The following NPBWR2 variants were observed in gnomAD, a reference collection of about 807,000 sequenced individuals.
The protein encoded by NPBWR2 is neuropeptides B and W receptor 2.
For synonymous variants in NPBWR2, 207 were observed against 223.5 expected (o/e 0.93, Z 0.66); for missense variants, 390 against 458.2 (o/e 0.85, Z 1.36).
chr20:64,104,558 C>G lies in NPBWR2; in HGVS notation c.*1272G>C, dbSNP rs1375986982. On this transcript the variant is annotated 3_prime_UTR_variant, in exon 2 of 2. Coordinates refer to ENST00000684052, the MANE Select transcript of NPBWR2 (RefSeq NM_005286.4). Reference sequence around the variant, plus strand: ...CAGGGGGGCACAGGGGAGCACAGGCCATGGTGAGGACTGTCGGCCACAGCA... The same window carrying G: ...CAGGGGGGCACAGGGGAGCACAGGCGATGGTGAGGACTGTCGGCCACAGCA... Among the ~76,000 whole-genome samples the G allele has an allele frequency of 3.0e-5, 4 of 135,230 alleles. No individual in the cohort carries two copies. The highest frequency in any genetic ancestry group is 1.2e-4 in the African/African-American group (4 of 34,404). 88.7% of individuals were successfully genotyped at this position (135,230 alleles called of 152,430 possible). A position where few individuals can be genotyped will look rare whatever the true frequency, so the allele number is the denominator to read the frequency against.
rs1979978690 is a variant in NPBWR2, at chr20:64,105,691, T to TGGTGGG, written c.*133_*138dup. 1.3e-5 allele frequency: 4 copies of TGGTGGG among 312,034 alleles called. No individual in the cohort carries two copies. Among genetic ancestry groups the TGGTGGG allele is most frequent in the African/African-American group, 6.2e-5 (1 of 16,078 alleles). 19.3% of individuals were successfully genotyped at this position (312,034 alleles called of 1,614,324 possible). ...ATGATGGGCGTGATGATGGGGGTGG[T>TGGTGGG]GGTGGGGGTGATGGTGGGGGTGGTG... On this transcript the variant is annotated 3_prime_UTR_variant, in exon 2 of 2. Coordinates refer to ENST00000684052, the MANE Select transcript of NPBWR2 (RefSeq NM_005286.4).
rs186068328 is a variant in NPBWR2, at chr20:64,105,675, G to A, written c.*155C>T. ...GATGGGGGTGGGCATGATGATGGGC[G>A]TGATGATGGGGGTGGTGGTGGGGGT... On this transcript the variant is annotated 3_prime_UTR_variant, in exon 2 of 2. Transcript: ENST00000684052. The A allele has an allele frequency of 0.27, 71,301 of 269,052 alleles. 16,156 individuals carry two copies. The highest frequency in any genetic ancestry group is 0.43 in the Admixed American group (5,349 of 12,554). The allele number at this position is 269,052 out of a possible 1,614,324, so 16.7% of individuals were successfully genotyped here. A position where few individuals can be genotyped will look rare whatever the true frequency, so the allele number is the denominator to read the frequency against.
Position 64,106,402 on chromosome 20 carries a change from G to A in NPBWR2, c.430C>T (p.Leu144=), listed in dbSNP as rs748448720. ...FLAVMSVDRY[L]VVLATVRSRH... is the part of the protein sequence containing the mutation. Reference sequence around the variant, plus strand: ...GACCTCACGGTGGCCAGCACCACCAGGTATCGGTCCACGCTCATCACGGCT... The same window carrying A: ...GACCTCACGGTGGCCAGCACCACCAAGTATCGGTCCACGCTCATCACGGCT... The change falls in exon 2 of 2, where the codon CTG becomes TTG. Residue 144 remains leucine, a synonymous_variant. Coordinates refer to ENST00000684052, the MANE Select transcript of NPBWR2 (RefSeq NM_005286.4). The surrounding 1 kb of genome is among the most constrained non-coding windows in gnomAD (Gnocchi z 9.5). 1 of 1,612,792 alleles carries A rather than the reference G, an allele frequency of 6.2e-7. No homozygotes were observed. Among genetic ancestry groups the A allele is most frequent in the East Asian group, 2.2e-5 (1 of 44,874 alleles).
rs1980059735 is a variant in NPBWR2 at position 64,106,642 on chromosome 20, T to C, written c.190A>G (p.Thr64Ala). The C allele has an allele frequency of 6.2e-7, 1 of 1,612,462 alleles. No individual in the cohort carries two copies. The highest frequency in any genetic ancestry group is 8.5e-7 in the Non-Finnish European group (1 of 1,179,992). The change falls in exon 2 of 2, where the codon ACG becomes GCG. Residue 64 changes from threonine (T) to alanine (A), a missense_variant. Thr to Ala is a moderately conservative substitution (Grantham distance 58). Coordinates refer to ENST00000684052, the MANE Select transcript of NPBWR2 (RefSeq NM_005286.4). The surrounding 1 kb of genome is among the most constrained non-coding windows in gnomAD (Gnocchi z 9.5). The part of the protein sequence containing the change: ...GICAVGLTGN[T>A]AVILVILRAP... Reference sequence around the variant, plus strand: ...CTTAGGATTACAAGGATGACGGCCGTGTTGCCAGTCAGCCCCACAGCACAG... The same window carrying C: ...CTTAGGATTACAAGGATGACGGCCGCGTTGCCAGTCAGCCCCACAGCACAG...
At position 64,104,349 on chromosome 20, in the gene NPBWR2, C is replaced by G. The variant is rs562514280; in HGVS notation, c.*1481G>C. Reference sequence around the variant, plus strand: ...AGAGAGTTCCAGGTGCCAGCCTGTCCAAGTGATGGATGGTCCCTAGGCTGT... The same window carrying G: ...AGAGAGTTCCAGGTGCCAGCCTGTCGAAGTGATGGATGGTCCCTAGGCTGT... On this transcript the variant is annotated 3_prime_UTR_variant, in exon 2 of 2. Transcript: ENST00000684052. Among the ~76,000 whole-genome samples the G allele has an allele frequency of 8.5e-5, 13 of 152,338 alleles. No homozygotes were observed. The highest frequency in any genetic ancestry group is 3.1e-4 in the African/African-American group (13 of 41,574).
In NPBWR2 at chr20:64,105,072, A is replaced by G. The variant is rs1306666315; in HGVS notation, c.*758T>C. On this transcript the variant is annotated 3_prime_UTR_variant, in exon 2 of 2. Coordinates refer to ENST00000684052, the MANE Select transcript of NPBWR2 (RefSeq NM_005286.4). ...TGGATTTCTGGGTCTCATGCGGTGC[A>G]GGTGTCCGCCTTTGCAGCAACACAG... 6.7e-6 allele frequency among the ~76,000 whole-genome samples: 1 copy of G among 149,030 alleles called. No homozygotes were observed. Among genetic ancestry groups the G allele is most frequent in the East Asian group, 2.0e-4 (1 of 5,080 alleles).
Position 64,104,451 on chromosome 20 carries a change from T to A in NPBWR2, c.*1379A>T, listed in dbSNP as rs3003152. Among the ~76,000 whole-genome samples, 2 of 150,080 alleles carry A rather than the reference T, an allele frequency of 1.3e-5. No homozygotes were observed. The highest frequency in any genetic ancestry group is 3.0e-5 in the Non-Finnish European group (2 of 67,064). ...AGAGGAGCATCGGCCACAGCAGGGG[T>A]GTACAGGCCATGGCGAGGACCGTCG... On this transcript the variant is annotated 3_prime_UTR_variant, in exon 2 of 2. Coordinates refer to ENST00000684052, the MANE Select transcript of NPBWR2 (RefSeq NM_005286.4).
rs1265086566 is a variant in NPBWR2, at chr20:64,105,196, C to T, written c.*634G>A. Among the ~76,000 whole-genome samples the T allele has an allele frequency of 1.3e-5, 2 of 151,878 alleles. No individual in the cohort carries two copies. The highest frequency in any genetic ancestry group is 3.9e-4 in the East Asian group (2 of 5,088). On this transcript the variant is annotated 3_prime_UTR_variant, in exon 2 of 2. Transcript: ENST00000684052. ...CCAGGTCAAGATCACAGTTCAGGTTCCCTCCCCTCCCGACCACTGTCATTA... is the reference window on the plus strand; with the variant it reads ...CCAGGTCAAGATCACAGTTCAGGTTTCCTCCCCTCCCGACCACTGTCATTA...
In NPBWR2 at chr20:64,106,527, A is replaced by T; in HGVS notation, c.305T>A (p.Ile102Asn). Residue 102 changes from isoleucine (I) to asparagine (N), a missense_variant, in exon 2 of 2, where the codon ATC (isoleucine) becomes AAC (asparagine). Physicochemically the swap from Ile to Asn is moderately radical, Grantham distance 149. Coordinates refer to ENST00000684052, the MANE Select transcript of NPBWR2 (RefSeq NM_005286.4). This position sits in a 1 kb window ranked among gnomAD's most constrained non-coding sequence, Gnocchi z 9.5. ...CCAGTACTGCAGCAGGTGCTCCGCG[A>T]TGTTGACGGGCAGTACCAGCGTGAA... is the stretch of plus-strand genomic sequence containing the variant. ...GLFTLVLPVN[I>N]AEHLLQYWPF... The T allele has an allele frequency of 6.2e-7, 1 of 1,612,394 alleles. No individual in the cohort carries two copies. Among genetic ancestry groups the T allele is most frequent in the Non-Finnish European group, 8.5e-7 (1 of 1,179,966 alleles).
chr20:64,106,599 G>T lies in NPBWR2; in HGVS notation c.233C>A (p.Thr78Lys). Residue 78 changes from threonine to lysine, a missense_variant, in exon 2 of 2, where the codon ACG becomes AAG. Thr to Lys is a moderately conservative substitution (Grantham distance 78). Coordinates refer to ENST00000684052, the MANE Select transcript of NPBWR2 (RefSeq NM_005286.4). The surrounding 1 kb of genome is among the most constrained non-coding windows in gnomAD (Gnocchi z 9.5). Reference protein sequence around the residue: ...LVILRAPKMKTVTNVFILNLA... With the variant: ...LVILRAPKMKKVTNVFILNLA... ...GTTCAGGATGAACACGTTGGTCACC[G>T]TCTTCATCTTGGGCGCCCTTAGGAT... 1 of 1,611,844 alleles carries T rather than the reference G, an allele frequency of 6.2e-7. No homozygotes were observed. Among genetic ancestry groups the T allele is most frequent in the Non-Finnish European group, 8.5e-7 (1 of 1,179,948 alleles).
rs1979954126 is a variant in NPBWR2, at chr20:64,105,606, A to AGGG, written c.*223_*224insCCC. On this transcript the variant is annotated 3_prime_UTR_variant, in exon 2 of 2. Coordinates refer to ENST00000684052, the MANE Select transcript of NPBWR2 (RefSeq NM_005286.4). ...GGGGGTGGGGGTGATGGTGGGCGTG[A>AGGG]TGGTGGGGGTGGGGGTGATGGGGGT... Among the ~76,000 whole-genome samples, 1 of 912 alleles carries AGGG rather than the reference A, an allele frequency of 1.1e-3. No homozygotes were observed. Among genetic ancestry groups the AGGG allele is most frequent in the Non-Finnish European group, 2.3e-3 (1 of 444 alleles). 0.6% of individuals were successfully genotyped at this position (912 alleles called of 152,430 possible). A position where few individuals can be genotyped will look rare whatever the true frequency, so the allele number is the denominator to read the frequency against.
In NPBWR2 at chr20:64,106,107, A is replaced by T; in HGVS notation, c.725T>A (p.Val242Glu). ...YTDLLRRLRA[V>E]RLRSGAKALG... ...AGCCTTGGCTCCAGAGCGGAGCCGC[A>T]CGGCCCGCAGCCTGCGCAGGAGGTC... Residue 242 changes from valine (V) to glutamate (E), a missense_variant, in exon 2 of 2, where the codon GTG becomes GAG. Transcript: ENST00000684052. The surrounding 1 kb of genome is among the most constrained non-coding windows in gnomAD (Gnocchi z 9.5). 6.2e-7 allele frequency: 1 copy of T among 1,611,778 alleles called. No homozygotes were observed. Among genetic ancestry groups the T allele is most frequent in the South Asian group, 1.1e-5 (1 of 91,056 alleles).
Position 64,106,454 on chromosome 20 carries a change from G to A in NPBWR2, c.378C>T (p.Tyr126=). ...GGAAGTAGATGCTGGAGAAGATGTT[G>A]TAGTGGTCGACGGCCAGCACCAGCT... ...LCKLVLAVDH[Y]NIFSSIYFLA... The change falls in exon 2 of 2, where the codon TAC becomes TAT. Residue 126 remains tyrosine (Y), a synonymous_variant. Transcript: ENST00000684052. This position sits in a 1 kb window ranked among gnomAD's most constrained non-coding sequence, Gnocchi z 9.5. The A allele has an allele frequency of 1.2e-6, 2 of 1,612,782 alleles. No individual in the cohort carries two copies. The highest frequency in any genetic ancestry group is 1.7e-6 in the Non-Finnish European group (2 of 1,180,026).
rs1979877570 is a variant in NPBWR2 at position 64,104,450 on chromosome 20, GTGTA to G, written c.*1376_*1379del. 1.3e-5 allele frequency among the ~76,000 whole-genome samples: 2 copies of G among 152,028 alleles called. No individual in the cohort carries two copies. The highest frequency in any genetic ancestry group is 3.4e-3 in the Middle Eastern group (1 of 294). On this transcript the variant is annotated 3_prime_UTR_variant, in exon 2 of 2. Coordinates refer to ENST00000684052, the MANE Select transcript of NPBWR2 (RefSeq NM_005286.4). ...GAGAGGAGCATCGGCCACAGCAGGG[GTGTA>G]CAGGCCATGGCGAGGACCGTCGGCC...
chr20:64,106,843 C>T lies in NPBWR2; in HGVS notation c.-12G>A, dbSNP rs1194811178. On this transcript the variant is annotated 5_prime_UTR_variant, in exon 2 of 2. Transcript: ENST00000684052. This position sits in a 1 kb window ranked among gnomAD's most constrained non-coding sequence, Gnocchi z 9.5. ...CCAGCGGCCTGCATTGTAGCTGGGA[C>T]CGTTGACGATTTGCGCCCTGGGCAG... is the stretch of plus-strand genomic sequence containing the variant. 2 of 1,600,846 alleles carry T rather than the reference C, an allele frequency of 1.2e-6. No homozygotes were observed. The highest frequency in any genetic ancestry group is 3.4e-5 in the Admixed American group (2 of 59,530).
Position 64,106,125 on chromosome 20 carries a change from A to T in NPBWR2, c.707T>A (p.Leu236Gln). 2 of 1,612,234 alleles carry T rather than the reference A, an allele frequency of 1.2e-6. No individual in the cohort carries two copies. Among genetic ancestry groups the T allele is most frequent in the Non-Finnish European group, 1.7e-6 (2 of 1,179,808 alleles). Residue 236 changes from leucine (L) to glutamine (Q), a missense_variant, in exon 2 of 2, where the codon CTG (leucine) becomes CAG (glutamine). Physicochemically the swap from Leu to Gln is moderately radical, Grantham distance 113. Coordinates refer to ENST00000684052, the MANE Select transcript of NPBWR2 (RefSeq NM_005286.4). The surrounding 1 kb of genome is among the most constrained non-coding windows in gnomAD (Gnocchi z 9.5). ...CTICVLYTDL[L>Q]RRLRAVRLRS... ...GAGCCGCACGGCCCGCAGCCTGCGCAGGAGGTCTGTGTAGAGCACACAGAT... is the reference window on the plus strand; with the variant it reads ...GAGCCGCACGGCCCGCAGCCTGCGCTGGAGGTCTGTGTAGAGCACACAGAT...
In NPBWR2 at chr20:64,105,726, G is replaced by GAGGGGGGTT; in HGVS notation, c.*103_*104insAACCCCCCT. 1 of 406,104 alleles carries GAGGGGGGTT rather than the reference G, an allele frequency of 2.5e-6. No individual in the cohort carries two copies. Among genetic ancestry groups the GAGGGGGGTT allele is most frequent in the Non-Finnish European group, 3.6e-6 (1 of 280,846 alleles). 25.2% of individuals were successfully genotyped at this position (406,104 alleles called of 1,614,324 possible). On this transcript the variant is annotated 3_prime_UTR_variant, in exon 2 of 2. Coordinates refer to ENST00000684052, the MANE Select transcript of NPBWR2 (RefSeq NM_005286.4). ...GATGGTGGGGGTGGTGGTGGGGGTG[G>GAGGGGGGTT]GGGGGGGTGGGCCTGATGGGGGTGT...
chr20:64,107,150 G>T lies in NPBWR2; in HGVS notation c.-92+214C>A. 1 of 481,606 alleles carries T rather than the reference G, an allele frequency of 2.1e-6. No homozygotes were observed. The highest frequency in any genetic ancestry group is 3.9e-6 in the Non-Finnish European group (1 of 258,222). The allele number at this position is 481,606 out of a possible 1,614,324, so 29.8% of individuals were successfully genotyped here. On this transcript the variant is annotated intron_variant, in intron 1 of 1. Transcript: ENST00000684052. The surrounding 1 kb of genome is among the most constrained non-coding windows in gnomAD (Gnocchi z 6.3). ...CAGCTGCTGGCCACCCTCCTGGGAA[G>T]AGATGTGGATCCGTCCCTGCCCCAG...
rs1979963215 is a variant in NPBWR2 at position 64,105,630 on chromosome 20, G to GTGGTGATGA, written c.*199_*200insTCATCACCA. On this transcript the variant is annotated 3_prime_UTR_variant, in exon 2 of 2. Transcript: ENST00000684052. ...GATGGTGGGGGTGGGGGTGATGGGG[G>GTGGTGATGA]TGGGCGTGATGGTGGATGTGATGGG... Among the ~76,000 whole-genome samples, 2 of 30,676 alleles carry GTGGTGATGA rather than the reference G, an allele frequency of 6.5e-5. No individual in the cohort carries two copies. Among genetic ancestry groups the GTGGTGATGA allele is most frequent in the Non-Finnish European group, 1.3e-4 (2 of 15,922 alleles). The allele number at this position is 30,676 out of a possible 152,430, so 20.1% of individuals were successfully genotyped here.
Sources: allele counts gnomAD v4.1 joint callset (sites outside exome capture counted in the v4.1 genomes callset), GRCh38; gene constraint gnomAD v4.1.1; non-coding constraint Gnocchi (gnomAD v3.1); transcripts MANE v1.5; gene names NCBI Gene and HGNC (gene_info 2026-07-23, HGNC 2026-07-21).